The following PRDM9 variants were observed in gnomAD, a reference collection of about 807,000 sequenced individuals.
PRDM9 encodes the protein histone-lysine N-methyltransferase PRDM9.
PRDM9 carries 47 observed loss-of-function variants against 55.6 expected under a neutral mutation model. The observed-to-expected ratio is 0.85, with a 90% CI of 0.67 to 1.08. The LOEUF (loss-of-function observed/expected upper bound fraction) is 1.08. PRDM9 is among the 50% of genes least tolerant of loss of function. The pLI, the probability that PRDM9 is intolerant of heterozygous loss-of-function variation, is 0.00. For missense variants in PRDM9, 867 were observed against 1,040.3 expected (o/e 0.83, Z 2.29); for synonymous variants, 312 against 375.7 (o/e 0.83, Z 1.96).
At chr5:23,515,787 G>A (rs768006066) in intron 4 of PRDM9, among the ~76,000 whole-genome samples, 1 of 152,104 alleles carries the variant, frequency 6.6e-6, no homozygotes, top group Non-Finnish European at 1.5e-5. Flanking sequence ...CCATTGTGTA[G>A]TCTTGGCATC....
intron 4 of PRDM9, among the ~76,000 whole-genome samples, chr5:23,510,665 A>G (rs1345343528): frequency 5.4e-5 from 8 of 149,416 alleles, no homozygotes; most frequent in African/African-American, 7.4e-5. Flanking sequence ...GATGATGATG[A>G]TGATGGTGAT....
At chr5:23,518,736 G>A (rs1739270144) in intron 5 of PRDM9, among the ~76,000 whole-genome samples, 1 of 152,204 alleles carries the variant, frequency 6.6e-6, no homozygotes, top group Admixed American at 6.5e-5. Flanking sequence ...CATTCCTACA[G>A]AAGGCAGTAA....
At chr5:23,510,671 G>A (rs149268443) in intron 4 of PRDM9, among the ~76,000 whole-genome samples, 41 of 116,392 alleles carry the variant, frequency 3.5e-4, no homozygotes, top group African/African-American at 1.1e-3. Context: ...GATGATGATG[G>A]TGATTGTTAC....
chr5:23,512,953 G>T (rs1353407090), intron 4 of PRDM9, among the ~76,000 whole-genome samples: 3 of 152,138 alleles, frequency 2.0e-5, no homozygotes, highest in Non-Finnish European at 4.4e-5. Context: ...CATGTGACAA[G>T]ATTTTCTTCT....
chr5:23,522,473 G>A (rs554638193), intron 7 of PRDM9, 68 bp downstream of exon 7: 249 of 1,584,352 alleles, frequency 1.6e-4, no homozygotes, highest in Middle Eastern at 1.7e-4. Context: ...TCATCATTTG[G>A]CCCACAAATC....
chr5:23,520,517 A>T (rs970723718), intron 5 of PRDM9, among the ~76,000 whole-genome samples: 1 of 152,004 alleles, frequency 6.6e-6, no homozygotes, highest in Non-Finnish European at 1.5e-5. Flanking sequence ...TCTTTCCAGG[A>T]TATGGCAACA....
intron 9 of PRDM9, among the ~76,000 whole-genome samples, chr5:23,523,789 A>C (rs1739380372): frequency 6.6e-6 from 1 of 152,156 alleles, no homozygotes; most frequent in Admixed American, 6.6e-5. Flanking sequence ...AAAATGAATC[A>C]ACTATTACTG....
At chr5:23,517,080 G>A (rs1228796304) in intron 4 of PRDM9, among the ~76,000 whole-genome samples, 1 of 149,230 alleles carries the variant, frequency 6.7e-6, no homozygotes. Flanking sequence ...ATGAACCCAC[G>A]AGGCGGAGCT....
chr5:23,509,823 T>C, intron 3 of PRDM9, 97 bp from the exon 4 acceptor site: 2 of 1,402,332 alleles, frequency 1.4e-6, no homozygotes, highest in South Asian at 2.4e-5. Context: ...CTCATCAGAC[T>C]GAGCAGCACT....
chr5:23,524,193 C>G, intron 9 of PRDM9, 141 bp from the exon 10 acceptor site: 1 of 1,078,014 alleles, frequency 9.3e-7, no homozygotes. Flanking sequence ...TAGGAATGAG[C>G]AGAAGGTTCC....
chr5:23,519,444 C>T (rs1234314429), intron 5 of PRDM9, among the ~76,000 whole-genome samples: 1 of 152,040 alleles, frequency 6.6e-6, no homozygotes, highest in African/African-American at 2.4e-5. Flanking sequence ...TCTCGGCTCA[C>T]TTTAACCTCC....
In PRDM9 at chr5:23,523,338, A is replaced by G; in HGVS notation, c.930A>G (p.Lys310=). Residue 310 remains lysine (K), a synonymous_variant, in exon 9 of 11, where the codon AAA becomes AAG. Coordinates refer to ENST00000296682, the MANE Select transcript of PRDM9 (RefSeq NM_020227.4). ...ATGAGTATGTGGATGGAAAAGATAA[A>G]TCCTGGGCCAACTGGATGAGGTAAG... is the stretch of plus-strand genomic sequence containing the variant. ...NCYEYVDGKD[K]SWANWMRYVN... is the part of the protein sequence containing the mutation. 6.2e-7 allele frequency: 1 copy of G among 1,613,858 alleles called. No individual in the cohort carries two copies. The highest frequency in any genetic ancestry group is 8.5e-7 in the Non-Finnish European group (1 of 1,179,758).
Position 23,522,660 on chromosome 5 carries a change from T to C in PRDM9, c.657T>C (p.His219=). The change falls in exon 8 of 11, where the codon CAT becomes CAC. Residue 219 remains histidine (H), a synonymous_variant. Transcript: ENST00000296682. ...QNFFIDSCAA[H]GPPTFVKDSA... is the part of the protein sequence containing the mutation. Reference sequence around the variant, plus strand: ...TCTTCATTGACAGCTGTGCTGCCCATGGGCCCCCTACATTTGTAAAGGACA... The same window carrying C: ...TCTTCATTGACAGCTGTGCTGCCCACGGGCCCCCTACATTTGTAAAGGACA... 1 of 1,614,228 alleles carries C rather than the reference T, an allele frequency of 6.2e-7. No homozygotes were observed.
chr5:23,525,370 G>A (rs1739410831), intron 10 of PRDM9, among the ~76,000 whole-genome samples: 1 of 152,224 alleles, frequency 6.6e-6, no homozygotes, highest in African/African-American at 2.4e-5. Context: ...ACGGAGGTAA[G>A]TCTGAGTAGG....
At chr5:23,526,131 T>C in intron 10 of PRDM9, 102 bp from the exon 11 acceptor site, 1 of 1,378,866 alleles carries the variant, frequency 7.3e-7, no homozygotes, top group Non-Finnish European at 1.0e-6. Flanking sequence ...CTTGCATTGT[T>C]AACATATGAA....
chr5:23,522,374 G>C lies in PRDM9; in HGVS notation c.579G>C (p.Glu193Asp). The C allele has an allele frequency of 6.2e-7, 1 of 1,614,122 alleles. No individual in the cohort carries two copies. Among genetic ancestry groups the C allele is most frequent in the Non-Finnish European group, 8.5e-7 (1 of 1,180,008 alleles). The change falls in exon 7 of 11, where the codon GAG becomes GAC. Residue 193 changes from glutamate to aspartate, a missense_variant. Around this residue, in one of 5 missense-constraint regions of PRDM9, gnomAD observed 662 missense variants for 711.9 expected, o/e 0.93. Coordinates refer to ENST00000296682, the MANE Select transcript of PRDM9 (RefSeq NM_020227.4). Reference protein sequence around the residue: ...LRERKGHAYKEVSEPQDDDYL... With the variant: ...LRERKGHAYKDVSEPQDDDYL... ...AAAGAAAGGGTCATGCATACAAAGAGGTCAGCGAGCCGCAGGATGATGATT... is the reference window on the plus strand; with the variant it reads ...AAAGAAAGGGTCATGCATACAAAGACGTCAGCGAGCCGCAGGATGATGATT...
At position 23,526,045 on chromosome 5, in the gene PRDM9, T is replaced by A. The variant is rs2934795; in HGVS notation, c.1145-188T>A. Among the ~76,000 whole-genome samples the A allele has an allele frequency of 0.099, 15,061 of 152,202 alleles. 1,496 individuals are homozygous for A. Among genetic ancestry groups the A allele is most frequent in the African/African-American group, 0.26 (10,611 of 41,492 alleles). The stretch of plus-strand genomic sequence containing the variant: ...GGACCAAGATGTGGGATTTCTGGAT[T>A]TTTTAAGATGTAGTGAATAAAAGTG... On this transcript the variant is annotated intron_variant, in intron 10 of 10. Transcript: ENST00000296682.
chr5:23,521,083 A>C lies in PRDM9; in HGVS notation c.412A>C (p.Asn138His), dbSNP rs200008043. ...TTTGAAAGAATTGTCAAGAACAGCA[A>C]ATTTACTGAATGCAAGTGGCTCAGA... Reference protein sequence around the residue: ...SSLKELSRTANLLNASGSEQA... With the variant: ...SSLKELSRTAHLLNASGSEQA... Residue 138 changes from asparagine (N) to histidine (H), a missense_variant, in exon 6 of 11, where the codon AAT (asparagine) becomes CAT (histidine). Coordinates refer to ENST00000296682, the MANE Select transcript of PRDM9 (RefSeq NM_020227.4). The C allele has an allele frequency of 6.2e-7, 1 of 1,614,198 alleles. No individual in the cohort carries two copies. The highest frequency in any genetic ancestry group is 2.2e-5 in the East Asian group (1 of 44,870).
chr5:23,519,866 A>T (rs1739292076), intron 5 of PRDM9, among the ~76,000 whole-genome samples: 1 of 151,544 alleles, frequency 6.6e-6, no homozygotes, highest in Non-Finnish European at 1.5e-5. Context: ...CAACATGGTG[A>T]AACCCCATCT....
Sources: allele counts gnomAD v4.1 joint callset (sites outside exome capture counted in the v4.1 genomes callset), GRCh38; gene constraint gnomAD v4.1.1; regional missense constraint gnomAD v4.1.1; transcripts MANE v1.5; gene names NCBI Gene and HGNC (gene_info 2026-07-23, HGNC 2026-07-21).